RNF38: variants seen among roughly 807,000 people sequenced by gnomAD.
The protein encoded by RNF38 is ring finger protein 38, also known as E3 ubiquitin-protein ligase RNF38.
In RNF38, 15 loss-of-function variants were observed where a neutral mutation model predicts 67.2. The ratio of observed to expected loss-of-function variants is 0.22; its 90% CI spans 0.15 to 0.34. The LOEUF (loss-of-function observed/expected upper bound fraction) is 0.34. RNF38 is among the 10% of genes least tolerant of loss of function. RNF38 has a pLI of 1.00. For missense variants in RNF38, 524 were observed against 639.9 expected, an observed-to-expected ratio of 0.82 and a Z score of 1.95; for synonymous variants, 220 against 218.8, an observed-to-expected ratio of 1.01 and a Z score of -0.05.
chr9:36,387,111 T>C (rs1836705168), intron 2 of RNF38, among the ~76,000 whole-genome samples: 1 of 152,124 alleles, frequency 6.6e-6, no homozygotes, highest in African/African-American at 2.4e-5. Context: ...GCCCCTACCT[T>C]GTCTATAAAT....
At chr9:36,419,378 G>A (rs1012853587) in intron 2 of RNF38, among the ~76,000 whole-genome samples, 13 of 152,160 alleles carry the variant, frequency 8.5e-5, no homozygotes, top group Admixed American at 2.0e-4. Flanking sequence ...AGGAATTCTT[G>A]TCAAGAAAGA....
At chr9:36,378,109 A>G (rs895341988) in intron 2 of RNF38, among the ~76,000 whole-genome samples, 1 of 152,036 alleles carries the variant, frequency 6.6e-6, no homozygotes, top group African/African-American at 2.4e-5. Flanking sequence ...CACATGAACT[A>G]CATGAGCACC....
In RNF38 at chr9:36,426,162, G is replaced by A. The variant is rs574012114; in HGVS notation, n.242-1479C>T. Among the ~76,000 whole-genome samples the A allele has an allele frequency of 1.5e-3, 228 of 151,976 alleles. 1 individual carries two copies. Among genetic ancestry groups the A allele is most frequent in the African/African-American group, 5.4e-3 (222 of 41,448 alleles). On this transcript the variant is annotated intron_variant and non_coding_transcript_variant, in intron 1 of 3. Coordinates refer to the RNF38 transcript ENST00000488058. ...TCTCTTTCAGAATCGGATTTGTTTTGTTTTGTCTTGTTTTAAACAAAATTA... is the reference window on the plus strand; with the variant it reads ...TCTCTTTCAGAATCGGATTTGTTTTATTTTGTCTTGTTTTAAACAAAATTA...
Position 36,446,964 on chromosome 9 carries a change from CA to C in RNF38, n.242-22282del, listed in dbSNP as rs758067952. 1.0e-3 allele frequency among the ~76,000 whole-genome samples: 137 copies of C among 133,916 alleles called. No homozygotes were observed. The Middle Eastern group carries it at 0.012, about 11-fold the overall frequency. 87.9% of individuals were successfully genotyped at this position (133,916 alleles called of 152,430 possible). Reference sequence around the variant, plus strand: ...GGTGAAACCGTCTCTACCAAAAATACAAAAAAAAAAAACATAGCTGGGTGTG... The same window carrying C: ...GGTGAAACCGTCTCTACCAAAAATACAAAAAAAAAAACATAGCTGGGTGTG... On this transcript the variant is annotated intron_variant and non_coding_transcript_variant, in intron 1 of 3. Transcript: ENST00000488058.
chr9:36,410,452 G>A (rs1010912168), intron 2 of RNF38, among the ~76,000 whole-genome samples: 10 of 152,132 alleles, frequency 6.6e-5, no homozygotes, highest in Admixed American at 3.3e-4. Context: ...TCAGCCTCCC[G>A]TGCAGCTGGG....
chr9:36,461,403 G>C (rs1299657035), intron 1 of RNF38, among the ~76,000 whole-genome samples: 1 of 152,202 alleles, frequency 6.6e-6, no homozygotes, highest in African/African-American at 2.4e-5. Context: ...AGAGCTCAGG[G>C]ATGAGAAGGA....
chr9:36,415,400 G>C (rs1838436622), intron 2 of RNF38, among the ~76,000 whole-genome samples: 1 of 151,720 alleles, frequency 6.6e-6, no homozygotes, highest in African/African-American at 2.4e-5. Context: ...TATTTCTCTG[G>C]AGATTTTTTT....
chr9:36,399,613 T>C (rs902301669), intron 1 of RNF38, among the ~76,000 whole-genome samples: 2 of 151,502 alleles, frequency 1.3e-5, no homozygotes, highest in African/African-American at 2.4e-5. Context: ...AGAAATTTCA[T>C]CTTTTTATTC....
upstream of RNF38, among the ~76,000 whole-genome samples, chr9:36,402,783 C>G (rs1838085140): frequency 6.6e-6 from 1 of 152,212 alleles, no homozygotes; most frequent in Admixed American, 6.5e-5. Flanking sequence ...CCTGAAACCT[C>G]TCAAATGGTT....
chr9:36,367,421 G>A (rs552816259), intron 4 of RNF38, among the ~76,000 whole-genome samples: 24 of 151,940 alleles, frequency 1.6e-4, no homozygotes, highest in African/African-American at 5.6e-4. Context: ...TATTTCTTGC[G>A]CCTATTAATA....
At chr9:36,348,133 C>T (rs912137956) in intron 9 of RNF38, among the ~76,000 whole-genome samples, 1 of 151,926 alleles carries the variant, frequency 6.6e-6, no homozygotes, top group African/African-American at 2.4e-5. Flanking sequence ...CATGTCAAAG[C>T]GGAGACAGGC....
rs759207578 is a variant in RNF38, at chr9:36,440,204, C to T, written n.242-15521G>A. Among the ~76,000 whole-genome samples, 69 of 151,996 alleles carry T rather than the reference C, an allele frequency of 4.5e-4. 1 individual carries two copies. The highest frequency in any genetic ancestry group is 9.1e-4 in the Non-Finnish European group (62 of 67,992). Reference sequence around the variant, plus strand: ...GAGGTTGCAGTGAGCTGAGATCATGCCACTACACTACAGCCTGGGCAACAC... The same window carrying T: ...GAGGTTGCAGTGAGCTGAGATCATGTCACTACACTACAGCCTGGGCAACAC... On this transcript the variant is annotated intron_variant and non_coding_transcript_variant, in intron 1 of 3. Transcript: ENST00000488058.
rs561867166 is a variant in RNF38, at chr9:36,398,153, G to A, written c.12+1944C>T. Among the ~76,000 whole-genome samples, 9 of 152,292 alleles carry A rather than the reference G, an allele frequency of 5.9e-5. No homozygotes were observed. In the South Asian group the frequency reaches 1.9e-3, roughly 32 times the overall value. On this transcript the variant is annotated intron_variant, in intron 1 of 11. Transcript: ENST00000259605. ...GACTACAAAATGGGAAAAAGAAACA[G>A]TCCTTACCCTTAAAGCAACTCAGTC...
At chr9:36,477,179 C>T (rs1840140138) in intron 1 of RNF38, among the ~76,000 whole-genome samples, 1 of 151,622 alleles carries the variant, frequency 6.6e-6, no homozygotes, top group African/African-American at 2.4e-5. Context: ...AAAAAATTAG[C>T]CGGGCGTGGT....
chr9:36,450,904 G>A (rs184410487), intron 1 of RNF38, among the ~76,000 whole-genome samples: 62 of 152,206 alleles, frequency 4.1e-4, no homozygotes, highest in African/African-American at 1.4e-3. Flanking sequence ...CACAGGTTGA[G>A]GCAAAAATCA....
rs1384733228 is a variant in RNF38 at position 36,369,936 on chromosome 9, T to C, written c.357-4A>G. 2.5e-6 allele frequency: 4 copies of C among 1,609,866 alleles called. No homozygotes were observed. The highest frequency in any genetic ancestry group is 2.2e-5 in the East Asian group (1 of 44,860). ...TCTCTGGCGCCTGACAGGAGGACTG[T>C]GATAAATATCAAAAAGAAAGTCATT... On this transcript the variant is annotated splice_region_variant and splice_polypyrimidine_tract_variant and intron_variant, in intron 3 of 11. Coordinates refer to ENST00000259605, the MANE Select transcript of RNF38 (RefSeq NM_022781.5).
intron 1 of RNF38, among the ~76,000 whole-genome samples, chr9:36,436,227 T>C (rs527366902): frequency 2.6e-5 from 4 of 152,244 alleles, no homozygotes; most frequent in South Asian, 2.1e-4. Context: ...GCCAAGAATG[T>C]AAAGAGTGGG....
intron 1 of RNF38, among the ~76,000 whole-genome samples, chr9:36,464,269 A>G (rs1839807519): frequency 1.3e-5 from 2 of 150,152 alleles, no homozygotes; most frequent in African/African-American, 4.9e-5. Flanking sequence ...CCTTAATTAT[A>G]ATTTGAAATC....
At chr9:36,365,616 T>C (rs570859740) in intron 4 of RNF38, among the ~76,000 whole-genome samples, 1 of 151,838 alleles carries the variant, frequency 6.6e-6, no homozygotes, top group African/African-American at 2.4e-5. Context: ...AATAATGCTT[T>C]GGTATTCTAC....
Sources: gnomAD v4.1 joint callset for allele counts (sites outside exome capture counted in the v4.1 genomes callset) on GRCh38, gnomAD v4.1.1 for gene constraint, MANE v1.5 for transcripts, NCBI Gene and HGNC (gene_info 2026-07-23, HGNC 2026-07-21) for gene names.